The following IGSF11 variants were observed in gnomAD, a reference collection of about 807,000 sequenced individuals.
IGSF11 encodes the protein immunoglobulin superfamily member 11.
Under a neutral mutation model 41.0 loss-of-function variants are expected in IGSF11, and 22 were observed. The ratio of observed to expected loss-of-function variants is 0.54; its 90% confidence interval spans 0.38 to 0.77. The LOEUF is 0.77. Ranked by LOEUF, IGSF11 falls within the 30% of genes least tolerant of loss-of-function variation. IGSF11 has a pLI of 0.00. For missense variants in IGSF11, 444 were observed against 530.8 expected (o/e 0.84, Z 1.61); for synonymous variants, 219 against 201.3 (o/e 1.09, Z -0.74).
intron 1 of IGSF11, among the ~76,000 whole-genome samples, chr3:119,102,135 A>G (rs962035456): frequency 1.3e-5 from 2 of 152,098 alleles, no homozygotes; most frequent in African/African-American, 4.8e-5. Flanking sequence ...TTAATTCCAC[A>G]TTTAATCATA....
At chr3:119,065,896 G>A (rs1198913638) in intron 1 of IGSF11, among the ~76,000 whole-genome samples, 1 of 150,292 alleles carries the variant, frequency 6.7e-6, no homozygotes, top group Non-Finnish European at 1.5e-5. Context: ...CAAATTCTTA[G>A]AAGAATTTAC....
intron 4 of IGSF11, among the ~76,000 whole-genome samples, chr3:118,924,269 C>T (rs1475043928): frequency 6.6e-6 from 1 of 152,106 alleles, no homozygotes; most frequent in Non-Finnish European, 1.5e-5. Flanking sequence ...ATTCCTCTGT[C>T]ACCAATCAGA....
chr3:119,067,717 T>C (rs1457878602), intron 1 of IGSF11, among the ~76,000 whole-genome samples: 1 of 152,186 alleles, frequency 6.6e-6, no homozygotes, highest in Non-Finnish European at 1.5e-5. Context: ...AAAAACTTTA[T>C]TTCATGTATT....
intron 1 of IGSF11, among the ~76,000 whole-genome samples, chr3:118,974,205 G>A (rs528021555): frequency 6.6e-6 from 1 of 152,226 alleles, no homozygotes; most frequent in South Asian, 2.1e-4. Flanking sequence ...GACCTTGAAC[G>A]TCAAGATAGA....
At chr3:118,980,382 G>A (rs1032654407) in intron 1 of IGSF11, among the ~76,000 whole-genome samples, 1 of 152,116 alleles carries the variant, frequency 6.6e-6, no homozygotes, top group Non-Finnish European at 1.5e-5. Flanking sequence ...CAACACAGAT[G>A]GAACTGTAAG....
At chr3:118,905,553 A>C in intron 5 of IGSF11, 43 bp downstream of exon 5, 1 of 1,607,214 alleles carries the variant, frequency 6.2e-7, no homozygotes, top group Non-Finnish European at 8.5e-7. Flanking sequence ...AAGATCTTAG[A>C]GTTTCAGACC....
chr3:118,936,103 A>AT (rs1368943240), intron 1 of IGSF11, among the ~76,000 whole-genome samples: 1 of 152,026 alleles, frequency 6.6e-6, no homozygotes, highest in East Asian at 1.9e-4. Flanking sequence ...TGATGCTAAA[A>AT]TTTTTTCTAT....
At chr3:119,011,669 T>C (rs763362915) in intron 1 of IGSF11, among the ~76,000 whole-genome samples, 4 of 152,148 alleles carry the variant, frequency 2.6e-5, no homozygotes, top group Non-Finnish European at 5.9e-5. Flanking sequence ...GAGCCATATA[T>C]GTACAGGCCA....
chr3:118,999,501 T>C (rs1462876697), intron 1 of IGSF11, among the ~76,000 whole-genome samples: 2 of 152,156 alleles, frequency 1.3e-5, no homozygotes, highest in South Asian at 2.1e-4. Flanking sequence ...CCATCAATGG[T>C]TGAAACAGCA....
intron 1 of IGSF11, among the ~76,000 whole-genome samples, chr3:119,080,453 T>C (rs1464085277): frequency 6.6e-6 from 1 of 152,164 alleles, no homozygotes; most frequent in Non-Finnish European, 1.5e-5. Context: ...GTAAAGACTA[T>C]CCATACAATT....
chr3:118,997,530 C>G (rs112667344), intron 1 of IGSF11, among the ~76,000 whole-genome samples: 8,876 of 141,294 alleles, frequency 0.063, 384 homozygotes, highest in African/African-American at 0.092. Flanking sequence ...TCTGCTGCCC[C>G]CCCCCAGCCA....
chr3:119,032,145 C>A (rs568569400), intron 1 of IGSF11, among the ~76,000 whole-genome samples: 36 of 152,070 alleles, frequency 2.4e-4, no homozygotes, highest in African/African-American at 8.4e-4. Context: ...ATTGAAAAGA[C>A]CCTCTATTTC....
chr3:119,065,724 T>C (rs1264569150), intron 1 of IGSF11, among the ~76,000 whole-genome samples: 10 of 136,526 alleles, frequency 7.3e-5, no homozygotes, highest in Non-Finnish European at 1.5e-4. Flanking sequence ...ATCCGGGAGG[T>C]GGATGTTGCA....
rs138157804 is a variant in IGSF11, at chr3:119,137,059, G to C, written c.-14+8754C>G. 3.6e-3 allele frequency among the ~76,000 whole-genome samples: 548 copies of C among 152,160 alleles called. 2 individuals carry two copies. Among genetic ancestry groups the C allele is most frequent in the African/African-American group, 0.012 (512 of 41,530 alleles). ...ACAATAAAAGCTATAAGACACTGAT[G>C]AAAGAAATTGAGGAGGACACCAAAA... On this transcript the variant is annotated intron_variant, in intron 1 of 7. Coordinates refer to the IGSF11 transcript ENST00000425327.
intron 1 of IGSF11, among the ~76,000 whole-genome samples, chr3:118,964,357 G>A (rs1204646553): frequency 2.0e-5 from 3 of 152,134 alleles, no homozygotes; most frequent in Middle Eastern, 3.2e-3. Flanking sequence ...GACAATGAGT[G>A]CAAGTCAGAG....
intron 1 of IGSF11, among the ~76,000 whole-genome samples, chr3:119,083,761 T>C (rs61685331): frequency 0.019 from 2,832 of 152,330 alleles, 77 homozygotes; most frequent in African/African-American, 0.064. Context: ...TACAATTATG[T>C]GCAGTACACA....
At chr3:119,029,277 CGAGA>C (rs10662903) in intron 1 of IGSF11, among the ~76,000 whole-genome samples, 10 of 146,428 alleles carry the variant, frequency 6.8e-5, no homozygotes, top group Non-Finnish European at 1.1e-4. Context: ...CACACACACC[CGAGA>C]GAGAGAGAGA....
chr3:118,974,418 T>C (rs896506795), intron 1 of IGSF11, among the ~76,000 whole-genome samples: 1 of 152,194 alleles, frequency 6.6e-6, no homozygotes, highest in African/African-American at 2.4e-5. Flanking sequence ...CACTAATGTG[T>C]TGGCAATTGC....
At chr3:118,982,507 C>T (rs1483435392) in intron 1 of IGSF11, among the ~76,000 whole-genome samples, 2 of 152,044 alleles carry the variant, frequency 1.3e-5, no homozygotes, top group African/African-American at 4.8e-5. Flanking sequence ...TGTTAAGAAG[C>T]TTTAAAGAAA....
Sources: allele counts gnomAD v4.1 joint callset (sites outside exome capture counted in the v4.1 genomes callset), GRCh38; gene constraint gnomAD v4.1.1; transcripts MANE v1.5; gene names NCBI Gene and HGNC (gene_info 2026-07-23, HGNC 2026-07-21).